Variants in HYDIN observed in about 807,000 individuals in gnomAD.
HYDIN encodes the protein HYDIN axonemal central pair apparatus protein.
HYDIN carries 132 observed loss-of-function variants against 403.9 expected under a neutral mutation model. The observed-to-expected ratio is 0.33, with a 90% CI of 0.28 to 0.38. The LOEUF (loss-of-function observed/expected upper bound fraction) is 0.38, where lower values mean the gene tolerates loss of function less well. Among genes scored for constraint, HYDIN ranks in the 10% least tolerant of loss-of-function variants. The probability of loss-of-function intolerance (pLI) is 1.00; values close to 1 mark genes in which losing one functional copy is unlikely to be tolerated. For synonymous variants in HYDIN, 1,202 were observed against 1,891.7 expected (o/e 0.64, Z 9.46); for missense variants, 2,827 against 5,009.5 (o/e 0.56, Z 13.15).
chr16:71,038,230 C>G (rs865989888), intron 18 of HYDIN, among the ~76,000 whole-genome samples: 4 of 152,302 alleles, frequency 2.6e-5, no homozygotes, highest in Non-Finnish European at 4.4e-5. Flanking sequence ...GCCCTCCCCT[C>G]TGAGGTTTCA....
chr16:70,986,362 T>G (rs1308564504), intron 27 of HYDIN, among the ~76,000 whole-genome samples: 2 of 152,030 alleles, frequency 1.3e-5, no homozygotes, highest in East Asian at 1.9e-4. Context: ...GGGTGAGGTC[T>G]GACTGCTTCA....
rs756835315 is a variant in HYDIN at position 70,920,884 on chromosome 16, G to A, written c.7492C>T (p.Arg2498Cys). 57 of 1,610,262 alleles carry A rather than the reference G, an allele frequency of 3.5e-5. No homozygotes were observed. The East Asian group carries it at 9.2e-4, about 26-fold the overall frequency. Residue 2498 changes from arginine (R) to cysteine (C), a missense_variant, in exon 46 of 86, where the codon CGC becomes TGC. Transcript: ENST00000393567. ...CTGCGCCCACCCAAGGGGACCTGGC[G>A]CTGGTCGTCGGGCTCATGGGGCGCT... Reference protein sequence around the residue: ...EEAPHEPDDQRQVPLGGRRGR... With the variant: ...EEAPHEPDDQCQVPLGGRRGR...
chr16:70,874,782 C>G, intron 63 of HYDIN, 35 bp downstream of exon 63: 2 of 1,597,676 alleles, frequency 1.3e-6, no homozygotes, highest in South Asian at 1.1e-5. Flanking sequence ...CTACTGAGAT[C>G]CATTGCCCTC....
chr16:71,208,675 A>G (rs180740340), intron 1 of HYDIN, among the ~76,000 whole-genome samples: 1 of 152,320 alleles, frequency 6.6e-6, no homozygotes, highest in East Asian at 1.9e-4. Flanking sequence ...AATGAAGAAG[A>G]AAAGAGAGAA....
At position 71,186,750 on chromosome 16, in the gene HYDIN, G is replaced by T. The variant is rs758077722; in HGVS notation, c.135+11C>A. On this transcript the variant is annotated intron_variant, in intron 2 of 85. Transcript: ENST00000393567. ...TTAAGTATTTTACATATTAATTCCC[G>T]GATACATTACCATTCGGTTTACTTC... 5.0e-6 allele frequency: 8 copies of T among 1,606,214 alleles called. No individual in the cohort carries two copies. Among genetic ancestry groups the T allele is most frequent in the African/African-American group, 1.3e-5 (1 of 74,562 alleles).
chr16:71,188,748 A>G (rs762858203), intron 1 of HYDIN, among the ~76,000 whole-genome samples: 7 of 152,228 alleles, frequency 4.6e-5, no homozygotes, highest in Non-Finnish European at 1.0e-4. Flanking sequence ...TTTGAATGAC[A>G]TAACACATTA....
intron 15 of HYDIN, among the ~76,000 whole-genome samples, chr16:71,065,901 C>T (rs1209476791): frequency 6.6e-6 from 1 of 152,094 alleles, no homozygotes; most frequent in Admixed American, 6.5e-5. Context: ...ACAGATTACA[C>T]CAAAAATAAG....
intron 83 of HYDIN, among the ~76,000 whole-genome samples, chr16:70,819,894 G>A (rs1208706386): frequency 8.3e-4 from 124 of 150,252 alleles, no homozygotes; most frequent in Admixed American, 1.4e-3. Context: ...TGCAAGCTCT[G>A]CCTCCCGGGT....
In HYDIN at chr16:70,805,308, AG is replaced by A. The variant is rs1341438299; in HGVS notation, c.*2271del. ...ATCGCCTGGAGGTCCATGAAAATGC[AG>A]ATTCTGATTCAACAAGTCTAGGGTG... On this transcript the variant is annotated 3_prime_UTR_variant, in exon 86 of 86. Coordinates refer to ENST00000393567, the MANE Select transcript of HYDIN (RefSeq NM_001270974.2). Among the ~76,000 whole-genome samples the A allele has an allele frequency of 6.6e-6, 1 of 152,220 alleles. No individual in the cohort carries two copies. The highest frequency in any genetic ancestry group is 1.5e-5 in the Non-Finnish European group (1 of 68,034).
In HYDIN at chr16:70,964,891, C is replaced by T. The variant is rs1424723599; in HGVS notation, c.5625G>A (p.Leu1875=). The change falls in exon 37 of 86, where the codon TTG becomes TTA. Residue 1875 remains leucine, a synonymous_variant. Coordinates refer to ENST00000393567, the MANE Select transcript of HYDIN (RefSeq NM_001270974.2). The part of the protein sequence containing the change: ...DQQYLIEEKI[L]RKLKGYDSYN... ...AGGAATCATAGCCCTTCAGCTTCCG[C>T]AAGATCTGCTCGAGGGGAGAAAGAG... 1.1e-5 allele frequency: 18 copies of T among 1,613,802 alleles called. No individual in the cohort carries two copies. Among genetic ancestry groups the T allele is most frequent in the Non-Finnish European group, 1.5e-5 (18 of 1,179,976 alleles).
chr16:71,027,143 T>C, intron 20 of HYDIN: 1 of 1,043,396 alleles, frequency 9.6e-7, no homozygotes, highest in Non-Finnish European at 1.2e-6. Flanking sequence ...TATTAATGCA[T>C]AAAAAGAAGA....
At chr16:70,864,740 T>G (rs2039642023) in intron 67 of HYDIN, among the ~76,000 whole-genome samples, 2 of 151,974 alleles carry the variant, frequency 1.3e-5, no homozygotes, top group Non-Finnish European at 2.9e-5. Context: ...CAGAGTACTT[T>G]TTATAAAAAG....
chr16:71,139,095 GAAAA>G (rs71758936), intron 7 of HYDIN, among the ~76,000 whole-genome samples: 1 of 103,814 alleles, frequency 9.6e-6, no homozygotes, highest in African/African-American at 4.7e-5. Context: ...AAATAAAGAA[GAAAA>G]AAAAAAAAAA....
At chr16:70,915,117 A>G (rs1438517564) in intron 47 of HYDIN, among the ~76,000 whole-genome samples, 2 of 151,272 alleles carry the variant, frequency 1.3e-5, no homozygotes, top group East Asian at 1.9e-4. Context: ...TTAATAACTA[A>G]CCTCCTGAAT....
chr16:71,032,303 TTTTG>T (rs1377837250), intron 18 of HYDIN, among the ~76,000 whole-genome samples: 2 of 121,816 alleles, frequency 1.6e-5, no homozygotes, highest in East Asian at 2.1e-4. Flanking sequence ...TATTTTTCCT[TTTTG>T]TTTTTTTTTT....
At chr16:70,982,128 C>CAAAAAAAA (rs777603836) in intron 28 of HYDIN, among the ~76,000 whole-genome samples, 1 of 66,280 alleles carries the variant, frequency 1.5e-5, no homozygotes, top group Non-Finnish European at 3.1e-5. Flanking sequence ...ACTCCGTCTC[C>CAAAAAAAA]AAAAAAAAAA....
At chr16:71,022,876 C>T (rs2080548364) in intron 21 of HYDIN, among the ~76,000 whole-genome samples, 1 of 151,258 alleles carries the variant, frequency 6.6e-6, no homozygotes, top group Admixed American at 6.6e-5. Flanking sequence ...AAACAGTAGA[C>T]ATTTAAATAA....
intron 45 of HYDIN, among the ~76,000 whole-genome samples, chr16:70,933,420 A>C (rs2077408656): frequency 7.1e-6 from 1 of 141,156 alleles, no homozygotes; most frequent in Non-Finnish European, 1.6e-5. Context: ...CCAGTGTCCG[A>C]GGGACAATCT....
chr16:70,809,959 C>A lies in HYDIN; in HGVS notation c.14707G>T (p.Gly4903Ter). 1 of 1,614,078 alleles carries A rather than the reference C, an allele frequency of 6.2e-7. No homozygotes were observed. The highest frequency in any genetic ancestry group is 8.5e-7 in the Non-Finnish European group (1 of 1,180,004). The change falls in exon 85 of 86, where the codon GGA becomes TGA. Residue 4903 changes from glycine to a stop codon, truncating the protein, a stop_gained. Transcript: ENST00000393567. LOFTEE classifies it high-confidence loss of function. Reference sequence around the variant, plus strand: ...TCAGTGTTGTGCAAAGTTAGTCTTCCGAAGGTTTCTCCAGCTTTCAGGGGC... The same window carrying A: ...TCAGTGTTGTGCAAAGTTAGTCTTCAGAAGGTTTCTCCAGCTTTCAGGGGC... ...FQPLKAGETF[G>*]RLTLHNTDLG... is the part of the protein sequence containing the mutation.
Sources: gnomAD v4.1 joint callset for allele counts (sites outside exome capture counted in the v4.1 genomes callset) on GRCh38, gnomAD v4.1.1 for gene constraint, MANE v1.5 for transcripts, NCBI Gene and HGNC (gene_info 2026-07-23, HGNC 2026-07-21) for gene names.